Variants in KIAA0232 observed in about 807,000 individuals in gnomAD.
The protein encoded by KIAA0232 is uncharacterized protein KIAA0232.
In KIAA0232, 27 loss-of-function variants were observed where a neutral mutation model predicts 122.0. That is an observed-to-expected ratio of 0.22 (90% confidence interval 0.16 to 0.31). The LOEUF is 0.31. Among genes scored for constraint, KIAA0232 ranks in the 10% least tolerant of loss-of-function variants. The probability of loss-of-function intolerance (pLI) is 1.00; values close to 1 mark genes in which losing one functional copy is unlikely to be tolerated. For synonymous variants in KIAA0232, 613 were observed against 587.6 expected, an observed-to-expected ratio of 1.04 and a Z score of -0.63; for missense variants, 1,551 against 1,634.2, an observed-to-expected ratio of 0.95 and a Z score of 0.88.
intron 5 of KIAA0232, among the ~76,000 whole-genome samples, 170 bp downstream of exon 5, chr4:6,857,400 C>T (rs1219760885): frequency 6.6e-6 from 1 of 152,186 alleles, no homozygotes; most frequent in African/African-American, 2.4e-5. Flanking sequence ...CTGTTAGTGG[C>T]TTCTGTGTCA....
intron 8 of KIAA0232, among the ~76,000 whole-genome samples, chr4:6,874,428 A>G (rs1161311595): frequency 5.9e-5 from 9 of 152,098 alleles, no homozygotes. Flanking sequence ...TGTGGTGGGG[A>G]TGAGGCCAGC....
intron 5 of KIAA0232, 33 bp downstream of exon 5, chr4:6,857,263 A>G (rs1488668594): frequency 4.5e-6 from 7 of 1,565,648 alleles, no homozygotes; most frequent in Non-Finnish European, 6.1e-6. Flanking sequence ...CACACATGCC[A>G]GGATTACATC....
At chr4:6,821,478 G>A (rs2109021063) in intron 2 of KIAA0232, among the ~76,000 whole-genome samples, 1 of 152,080 alleles carries the variant, frequency 6.6e-6, no homozygotes, top group South Asian at 2.1e-4. Flanking sequence ...ACAGTGTTTG[G>A]TTTTCTATTC....
At chr4:6,844,991 C>G (rs1301217480) in intron 4 of KIAA0232, among the ~76,000 whole-genome samples, 1 of 152,248 alleles carries the variant, frequency 6.6e-6, no homozygotes, top group Non-Finnish European at 1.5e-5. Flanking sequence ...CTTTCGGTAA[C>G]AACCAAGCTA....
At chr4:6,846,278 G>A (rs1340292598) in intron 4 of KIAA0232, among the ~76,000 whole-genome samples, 3 of 152,108 alleles carry the variant, frequency 2.0e-5, no homozygotes, top group African/African-American at 2.4e-5. Flanking sequence ...TGTTGTTTGT[G>A]CATCAATCTA....
At chr4:6,821,493 A>G (rs542749096) in intron 2 of KIAA0232, among the ~76,000 whole-genome samples, 10 of 152,124 alleles carry the variant, frequency 6.6e-5, no homozygotes, top group Admixed American at 6.5e-4. Context: ...CTATTCCTAT[A>G]TTACTTCACT....
In KIAA0232 at chr4:6,880,846, T is replaced by C; in HGVS notation, c.4068T>C (p.Asp1356=). The C allele has an allele frequency of 6.2e-7, 1 of 1,607,186 alleles. No individual in the cohort carries two copies. Residue 1356 remains aspartate, a synonymous_variant, in exon 10 of 10, where the codon GAT becomes GAC. Coordinates refer to ENST00000307659, the MANE Select transcript of KIAA0232 (RefSeq NM_014743.3). ...TGERDSGAKS[D]GFRGKMCSSA... ...AGAGAGATTCTGGAGCAAAGTCAGA[T>C]GGCTTCCGCGGAAAGATGTGCTCCA...
chr4:6,827,691 G>C lies in KIAA0232; in HGVS notation c.231+3007G>C, dbSNP rs148113363. On this transcript the variant is annotated intron_variant, in intron 3 of 9. Coordinates refer to ENST00000307659, the MANE Select transcript of KIAA0232 (RefSeq NM_014743.3). ...TTTGGTCTCAGTTGTGCAGGATAAG[G>C]AAGTAAAGCTGATCAGATCCTAGTC... Among the ~76,000 whole-genome samples, 617 of 152,306 alleles carry C rather than the reference G, an allele frequency of 4.1e-3. 2 individuals carry two copies. The highest frequency in any genetic ancestry group is 0.015 in the African/African-American group (605 of 41,574).
chr4:6,797,376 G>T (rs796079657), intron 1 of KIAA0232, among the ~76,000 whole-genome samples: 4 of 152,302 alleles, frequency 2.6e-5, no homozygotes, highest in African/African-American at 9.6e-5. Flanking sequence ...ATGCCTCCAG[G>T]CCTGTTGGGA....
chr4:6,877,583 T>G (rs1721824417), intron 9 of KIAA0232, among the ~76,000 whole-genome samples: 1 of 152,070 alleles, frequency 6.6e-6, no homozygotes, highest in African/African-American at 2.4e-5. Context: ...CCAGTCCCAG[T>G]CCCAGTCCCA....
chr4:6,861,936 G>A lies in KIAA0232; in HGVS notation c.1554G>A (p.Met518Ile). ...ATGAAGTGGATATTGATCAATCCAT[G>A]TTGGATCCTGGTGCCTCAGAAACAA... ...HFYEVDIDQS[M>I]LDPGASETMQ... is the part of the protein sequence containing the mutation. The change falls in exon 7 of 10, where the codon ATG (methionine) becomes ATA (isoleucine). Residue 518 changes from methionine to isoleucine, a missense_variant. Physicochemically the swap from Met to Ile is conservative, Grantham distance 10. Transcript: ENST00000307659. 6.2e-7 allele frequency: 1 copy of A among 1,614,046 alleles called. No individual in the cohort carries two copies. The highest frequency in any genetic ancestry group is 8.5e-7 in the Non-Finnish European group (1 of 1,179,946).
chr4:6,824,836 G>A (rs1234885435), intron 3 of KIAA0232, 152 bp downstream of exon 3: 4 of 678,864 alleles, frequency 5.9e-6, no homozygotes, highest in African/African-American at 1.8e-5. Flanking sequence ...AGATTGCCTT[G>A]GAGTGTCAAT....
intron 3 of KIAA0232, among the ~76,000 whole-genome samples, chr4:6,839,673 A>G (rs1719540900): frequency 6.6e-6 from 1 of 152,136 alleles, no homozygotes; most frequent in Non-Finnish European, 1.5e-5. Flanking sequence ...GGGGTAGTCG[A>G]AGGTCAGAGT....
At position 6,857,220 on chromosome 4, in the gene KIAA0232, G is replaced by T; in HGVS notation, c.426G>T (p.Gln142His). 6.2e-7 allele frequency: 1 copy of T among 1,612,186 alleles called. No homozygotes were observed. Among genetic ancestry groups the T allele is most frequent in the Non-Finnish European group, 8.5e-7 (1 of 1,179,062 alleles). The change falls in exon 5 of 10, where the codon CAG (glutamine) becomes CAT (histidine). Residue 142 changes from glutamine (Q) to histidine (H), a missense_variant. Gln to His is a conservative substitution (Grantham distance 24). Around this residue, in one of 5 missense-constraint regions of KIAA0232, gnomAD observed 377 missense variants for 381.7 expected, o/e 0.99. Coordinates refer to ENST00000307659, the MANE Select transcript of KIAA0232 (RefSeq NM_014743.3). ...TCTGCTCCAGACTGAAAGACCTTCA[G>T]AGTAAGCAAGGTGAGGTCAAAAGCA... is the stretch of plus-strand genomic sequence containing the variant. ...EELCSRLKDL[Q>H]SKQEEKIHKK...
chr4:6,783,598 G>A (rs919844599), intron 1 of KIAA0232, among the ~76,000 whole-genome samples: 118 of 151,912 alleles, frequency 7.8e-4, no homozygotes, highest in African/African-American at 2.7e-3. Flanking sequence ...GCCCCGGGAA[G>A]GGAAAACCGC....
chr4:6,812,584 A>G (rs1430239364), intron 2 of KIAA0232, among the ~76,000 whole-genome samples: 1 of 152,238 alleles, frequency 6.6e-6, no homozygotes, highest in East Asian at 1.9e-4. Flanking sequence ...GAAATTATGT[A>G]TGAGTGTCTA....
intron 1 of KIAA0232, among the ~76,000 whole-genome samples, chr4:6,799,645 G>GT (rs1717288266): frequency 6.6e-6 from 1 of 151,994 alleles, no homozygotes; most frequent in Non-Finnish European, 1.5e-5. Context: ...TAAGAATTCT[G>GT]TTTTTTACAC....
chr4:6,805,547 T>A (rs1370463127), intron 2 of KIAA0232, among the ~76,000 whole-genome samples: 1 of 152,184 alleles, frequency 6.6e-6, no homozygotes, highest in Non-Finnish European at 1.5e-5. Flanking sequence ...ACCAGTGAGT[T>A]ACAGAATTTT....
intron 4 of KIAA0232, among the ~76,000 whole-genome samples, chr4:6,848,938 G>A (rs1395335209): frequency 6.6e-6 from 1 of 152,232 alleles, no homozygotes; most frequent in Non-Finnish European, 1.5e-5. Flanking sequence ...TAAGTCCTAT[G>A]TCTTTGGGTA....
Sources: gnomAD v4.1 joint callset for allele counts (sites outside exome capture counted in the v4.1 genomes callset) on GRCh38, gnomAD v4.1.1 for gene constraint, gnomAD v4.1.1 regional missense constraint, MANE v1.5 for transcripts, NCBI Gene and HGNC (gene_info 2026-07-23, HGNC 2026-07-21) for gene names.